Variants in AMOTL1 observed in about 807,000 individuals in gnomAD.
The protein encoded by AMOTL1 is angiomotin like 1.
In AMOTL1, 45 loss-of-function variants were observed where a neutral mutation model predicts 102.9. The observed-to-expected ratio is 0.44, with a 90% CI of 0.34 to 0.56. The LOEUF is 0.56. AMOTL1 is among the 20% of genes least tolerant of loss of function. The pLI is 0.01. For synonymous variants in AMOTL1, 481 were observed against 484.7 expected (o/e 0.99, Z 0.10); for missense variants, 1,114 against 1,225.6 (o/e 0.91, Z 1.36).
At chr11:94,774,456 G>A (rs1056003410) in intron 1 of AMOTL1, among the ~76,000 whole-genome samples, 3 of 152,200 alleles carry the variant, frequency 2.0e-5, no homozygotes, top group Non-Finnish European at 2.9e-5. Flanking sequence ...GTAAGTCAGG[G>A]CTGATGTCAC....
At chr11:94,775,403 G>T (rs919476797) in intron 1 of AMOTL1, among the ~76,000 whole-genome samples, 3 of 152,182 alleles carry the variant, frequency 2.0e-5, no homozygotes, top group African/African-American at 7.2e-5. Flanking sequence ...CCAAAGGAGA[G>T]CCCAGTGCTG....
chr11:94,824,027 C>T (rs949973398), intron 4 of AMOTL1, among the ~76,000 whole-genome samples: 2 of 152,098 alleles, frequency 1.3e-5, no homozygotes, highest in South Asian at 2.1e-4. Context: ...TAACATACAT[C>T]TCTTTCTTGA....
At chr11:94,857,011 A>G (rs942734645) in intron 8 of AMOTL1, among the ~76,000 whole-genome samples, 1 of 152,182 alleles carries the variant, frequency 6.6e-6, no homozygotes, top group African/African-American at 2.4e-5. Flanking sequence ...TACGCTGAGG[A>G]TGAGCAGAGA....
At chr11:94,796,902 A>ATATGTATATTAATACATC in intron 2 of AMOTL1, 5 of 607,590 alleles carry the variant, frequency 8.2e-6, no homozygotes, top group Non-Finnish European at 1.0e-5. Context: ...TAATATACAT[A>ATATGTATATTAATACATC]TATGTATATA....
chr11:94,803,063 C>T (rs983504199), intron 3 of AMOTL1, among the ~76,000 whole-genome samples: 1 of 152,212 alleles, frequency 6.6e-6, no homozygotes, highest in African/African-American at 2.4e-5. Flanking sequence ...TGGAGTCCAT[C>T]TCCCTGGCTG....
intron 3 of AMOTL1, among the ~76,000 whole-genome samples, chr11:94,812,379 A>G (rs1436133516): frequency 2.6e-5 from 4 of 152,192 alleles, no homozygotes; most frequent in Non-Finnish European, 5.9e-5. Flanking sequence ...GATAAGAGAC[A>G]ATCTGTTGCA....
chr11:94,838,085 A>G (rs888544760), intron 6 of AMOTL1, among the ~76,000 whole-genome samples: 6 of 152,164 alleles, frequency 3.9e-5, no homozygotes, highest in African/African-American at 1.4e-4. Flanking sequence ...TTCCTTTTAT[A>G]TACTCCCCCA....
intron 2 of AMOTL1, among the ~76,000 whole-genome samples, chr11:94,732,944 G>C (rs1950377511): frequency 6.6e-6 from 1 of 152,252 alleles, no homozygotes; most frequent in Admixed American, 6.5e-5. Flanking sequence ...GTCAGGGAGA[G>C]TTTTAACACT....
chr11:94,795,849 T>C (rs1951357041), intron 2 of AMOTL1, among the ~76,000 whole-genome samples: 1 of 152,230 alleles, frequency 6.6e-6, no homozygotes, highest in African/African-American at 2.4e-5. Flanking sequence ...TTTTAAAATT[T>C]TTTTATTTGA....
At chr11:94,817,800 A>G (rs1230416520) in intron 3 of AMOTL1, among the ~76,000 whole-genome samples, 2 of 152,228 alleles carry the variant, frequency 1.3e-5, no homozygotes, top group Admixed American at 6.5e-5. Flanking sequence ...CAAGACTCCC[A>G]TAGAAAGCTA....
chr11:94,766,572 T>A (rs996081649), upstream of AMOTL1, among the ~76,000 whole-genome samples: 1 of 152,208 alleles, frequency 6.6e-6, no homozygotes, highest in Admixed American at 6.5e-5. Context: ...CCTTTCTTCT[T>A]TTTCTATCCA....
chr11:94,741,000 C>T (rs1176535427), intron 3 of AMOTL1: 4 of 1,288,608 alleles, frequency 3.1e-6, no homozygotes, highest in African/African-American at 3.1e-5. Context: ...TAAGTCTGCT[C>T]ATTTTGTCTT....
chr11:94,820,903 T>C (rs964953438), intron 3 of AMOTL1, among the ~76,000 whole-genome samples: 1 of 152,200 alleles, frequency 6.6e-6, no homozygotes, highest in African/African-American at 2.4e-5. Context: ...TAGGCAGTAA[T>C]GTGAACCATC....
intron 4 of AMOTL1, among the ~76,000 whole-genome samples, chr11:94,825,219 T>C (rs1951940269): frequency 1.3e-5 from 2 of 152,184 alleles, no homozygotes; most frequent in Admixed American, 1.3e-4. Context: ...GGGCACTTGA[T>C]GGGAGAGGGC....
chr11:94,865,795 G>A (rs1952870346), intron 10 of AMOTL1, 147 bp from the exon 11 acceptor site: 1 of 694,320 alleles, frequency 1.4e-6, no homozygotes, highest in Admixed American at 2.7e-5. Context: ...TAACAATTTG[G>A]AGATTATCAA....
intron 9 of AMOTL1, 99 bp from the exon 10 acceptor site, chr11:94,864,636 G>A: frequency 1.3e-6 from 2 of 1,509,926 alleles, no homozygotes; most frequent in Non-Finnish European, 1.8e-6. Context: ...GCTGATCTCT[G>A]TTCCAGCATG....
Position 94,795,108 on chromosome 11 carries a change from T to C in AMOTL1, c.147T>C (p.His49=), listed in dbSNP as rs1020432440. ...SPDFQLYSGR[H]ETSALTVEAT... is the part of the protein sequence containing the mutation. Reference sequence around the variant, plus strand: ...ACTTTCAGCTCTATTCTGGGAGGCATGAAACATCTGCTTTGACGGTGGAGG... The same window carrying C: ...ACTTTCAGCTCTATTCTGGGAGGCACGAAACATCTGCTTTGACGGTGGAGG... The change falls in exon 2 of 13, where the codon CAT becomes CAC. Residue 49 remains histidine, a synonymous_variant. Coordinates refer to ENST00000433060, the MANE Select transcript of AMOTL1 (RefSeq NM_130847.3). 9.3e-6 allele frequency: 15 copies of C among 1,613,818 alleles called. No homozygotes were observed. The South Asian group carries it at 1.2e-4, about 13-fold the overall frequency.
chr11:94,833,013 C>CT (rs1453669829), intron 6 of AMOTL1, among the ~76,000 whole-genome samples: 1 of 152,202 alleles, frequency 6.6e-6, no homozygotes. Flanking sequence ...CAGAAATGTT[C>CT]TTCAGAAAGA....
intron 1 of AMOTL1, among the ~76,000 whole-genome samples, chr11:94,788,559 G>A (rs1036258588): frequency 2.0e-5 from 3 of 152,078 alleles, no homozygotes; most frequent in African/African-American, 4.8e-5. Context: ...TGTCCCTTCC[G>A]TCAGTCAACA....
Sources: allele counts gnomAD v4.1 joint callset (sites outside exome capture counted in the v4.1 genomes callset), GRCh38; gene constraint gnomAD v4.1.1; transcripts MANE v1.5; gene names NCBI Gene and HGNC (gene_info 2026-07-23, HGNC 2026-07-21).